The following CCDC92 variants were observed in gnomAD, a reference collection of about 807,000 sequenced individuals.
CCDC92 encodes coiled-coil domain containing 92.
A neutral mutation model predicts 24.9 loss-of-function variants in CCDC92; 12 were observed. The observed-to-expected ratio is 0.48, with a 90% CI of 0.31 to 0.78. CCDC92 has a LOEUF of 0.78. Ranked by LOEUF, CCDC92 falls within the 30% of genes least tolerant of loss-of-function variation. CCDC92 has a pLI of 0.05. For missense variants in CCDC92, 399 were observed against 439.4 expected, an observed-to-expected ratio of 0.91 and a Z score of 0.82; for synonymous variants, 193 against 196.3, an observed-to-expected ratio of 0.98 and a Z score of 0.14.
chr12:123,938,849 C>T (rs1594446610), intron 4 of CCDC92, among the ~76,000 whole-genome samples: 2 of 152,290 alleles, frequency 1.3e-5, no homozygotes, highest in Middle Eastern at 6.8e-3. Context: ...CCCTGGCCTC[C>T]CCTCCCTGAC....
intron 1 of CCDC92, chr12:123,971,688 T>G (rs1254780354): frequency 6.6e-6 from 1 of 152,190 alleles, no homozygotes; most frequent in East Asian, 1.9e-4. Flanking sequence ...ATACCAAAAC[T>G]TGAAATGAAA....
At chr12:123,957,705 T>C (rs1209311423) in intron 1 of CCDC92, among the ~76,000 whole-genome samples, 5 of 130,002 alleles carry the variant, frequency 3.8e-5, no homozygotes, top group Non-Finnish European at 6.3e-5. Context: ...CCTTCTTTTT[T>C]TTTTTTTTTT....
At chr12:123,951,093 T>TC (rs1956013882) in intron 1 of CCDC92, among the ~76,000 whole-genome samples, 1 of 152,088 alleles carries the variant, frequency 6.6e-6, no homozygotes, top group Non-Finnish European at 1.5e-5. Flanking sequence ...TGGCAAACCA[T>TC]CCCCTGCCCC....
intron 1 of CCDC92, chr12:123,965,970 A>G (rs1956383639): frequency 6.6e-6 from 1 of 152,206 alleles, no homozygotes; most frequent in Non-Finnish European, 1.5e-5. Flanking sequence ...GCATATTCAC[A>G]TTAGTTTTAT....
intron 1 of CCDC92, among the ~76,000 whole-genome samples, chr12:123,948,963 TC>T (rs1955953859): frequency 6.6e-6 from 1 of 152,292 alleles, no homozygotes; most frequent in Admixed American, 6.5e-5. Context: ...CACCGAGGCA[TC>T]CTGTTTAGGC....
intron 1 of CCDC92, among the ~76,000 whole-genome samples, chr12:123,964,072 T>C (rs1210141830): frequency 6.6e-6 from 1 of 152,214 alleles, no homozygotes; most frequent in Non-Finnish European, 1.5e-5. Flanking sequence ...ATTTGAACTT[T>C]GTAATTTGCA....
chr12:123,943,676 G>C, intron 2 of CCDC92, 183 bp from the exon 3 acceptor site: 1 of 654,414 alleles, frequency 1.5e-6, no homozygotes, highest in Non-Finnish European at 2.6e-6. Flanking sequence ...GGAGGCCCCA[G>C]GCCAGGGACG....
intron 1 of CCDC92, among the ~76,000 whole-genome samples, chr12:123,954,470 A>G (rs142548748): frequency 6.6e-6 from 1 of 152,304 alleles, no homozygotes; most frequent in African/African-American, 2.4e-5. Context: ...GAGCCTGACA[A>G]TTACACATGG....
intron 4 of CCDC92, among the ~76,000 whole-genome samples, chr12:123,939,631 G>C (rs991049883): frequency 6.6e-6 from 1 of 152,172 alleles, no homozygotes; most frequent in African/African-American, 2.4e-5. Flanking sequence ...AAAACCATGT[G>C]TCTGTGTGTG....
intron 1 of CCDC92, among the ~76,000 whole-genome samples, chr12:123,949,769 C>T (rs1476627106): frequency 6.6e-6 from 1 of 152,206 alleles, no homozygotes; most frequent in Non-Finnish European, 1.5e-5. Flanking sequence ...GCTCTGAAGA[C>T]GTGGCAAGAC....
At chr12:123,956,309 G>GT (rs1397244662) in intron 1 of CCDC92, 1 of 152,030 alleles carries the variant, frequency 6.6e-6, no homozygotes, top group Non-Finnish European at 1.5e-5. Context: ...TTTCCTAGAG[G>GT]TTTTTTTCTG....
Position 123,937,413 on chromosome 12 carries a change from A to G in CCDC92, c.641T>C (p.Leu214Ser). The G allele has an allele frequency of 1.2e-6, 2 of 1,613,860 alleles. No homozygotes were observed. Among genetic ancestry groups the G allele is most frequent in the East Asian group, 4.5e-5 (2 of 44,866 alleles). ...GTAGACCTCTTCAAATTCCGGGTGC[A>G]AGGGGGCTGAGAGGCTCTTTTTCAT... The part of the protein sequence containing the change: ...RRMKKSLSAP[L>S]HPEFEEVYRF... Residue 214 changes from leucine (L) to serine (S), a missense_variant, in exon 5 of 5, where the codon TTG becomes TCG. Coordinates refer to ENST00000238156, the MANE Select transcript of CCDC92 (RefSeq NM_025140.3). This position sits in a 1 kb window ranked among gnomAD's most constrained non-coding sequence, Gnocchi z 8.4.
chr12:123,957,975 A>G (rs1010331729), intron 1 of CCDC92, among the ~76,000 whole-genome samples: 1 of 152,148 alleles, frequency 6.6e-6, no homozygotes, highest in African/African-American at 2.4e-5. Flanking sequence ...CTGGGATTAC[A>G]GATGTGAACC....
intron 4 of CCDC92, among the ~76,000 whole-genome samples, chr12:123,942,153 G>C (rs1955703948): frequency 6.6e-6 from 1 of 152,200 alleles, no homozygotes; most frequent in South Asian, 2.1e-4. Flanking sequence ...GAAGGCCTGG[G>C]TTTCTGTCTC....
In CCDC92 at chr12:123,967,733, C is replaced by T. The variant is rs149738381; in HGVS notation, c.-60+4796G>A. On this transcript the variant is annotated intron_variant, in intron 1 of 4. Transcript: ENST00000238156. ...TTTCAGAGTATGATGCCACGGATTT[C>T]TAGGTAAAATGTGCAACTTTAAGAA... is the stretch of plus-strand genomic sequence containing the variant. Among the ~76,000 whole-genome samples, 996 of 152,286 alleles carry T rather than the reference C, an allele frequency of 6.5e-3. 6 individuals are homozygous for T. The highest frequency in any genetic ancestry group is 0.022 in the African/African-American group (931 of 41,528).
chr12:123,939,267 TCTTG>T (rs1333459487), intron 4 of CCDC92, among the ~76,000 whole-genome samples: 1 of 152,124 alleles, frequency 6.6e-6, no homozygotes, highest in Non-Finnish European at 1.5e-5. Flanking sequence ...CTTCTGTCTG[TCTTG>T]CTTTGAATTT....
chr12:123,945,014 AATT>A (rs1285925049), intron 1 of CCDC92: 2 of 152,160 alleles, frequency 1.3e-5, no homozygotes, highest in East Asian at 3.8e-4. Context: ...ACCAAAGGGA[AATT>A]ATTACTTTTG....
intron 1 of CCDC92, chr12:123,960,690 CAGTG>C (rs1478032368): frequency 6.6e-6 from 1 of 152,172 alleles, no homozygotes; most frequent in Non-Finnish European, 1.5e-5. Flanking sequence ...GTCTGTGACA[CAGTG>C]AGAAAAACGA....
At chr12:123,954,657 T>C (rs1474159905) in intron 1 of CCDC92, among the ~76,000 whole-genome samples, 1 of 152,234 alleles carries the variant, frequency 6.6e-6, no homozygotes, top group East Asian at 1.9e-4. Flanking sequence ...CTTTTCTGTG[T>C]GAAAATGCCT....
Sources: allele counts gnomAD v4.1 joint callset (sites outside exome capture counted in the v4.1 genomes callset), GRCh38; gene constraint gnomAD v4.1.1; non-coding constraint Gnocchi (gnomAD v3.1); transcripts MANE v1.5; gene names NCBI Gene and HGNC (gene_info 2026-07-23, HGNC 2026-07-21).